PRRX1: variants seen among roughly 807,000 people sequenced by gnomAD.
PRRX1 encodes paired related homeobox 1.
A neutral mutation model predicts 24.0 loss-of-function variants in PRRX1; 8 were observed. The observed-to-expected ratio is 0.33, with a 90% CI of 0.20 to 0.60. PRRX1 has a LOEUF of 0.60. Ranked by LOEUF, PRRX1 falls within the 20% of genes least tolerant of loss-of-function variation. The probability of loss-of-function intolerance (pLI) is 0.82; values close to 1 mark genes in which losing one functional copy is unlikely to be tolerated. For missense variants in PRRX1, 281 were observed against 322.4 expected (o/e 0.87, Z 0.98); for synonymous variants, 160 against 131.7 (o/e 1.22, Z -1.47).
At chr1:170,686,888 G>A (rs573505022) in intron 1 of PRRX1, among the ~76,000 whole-genome samples, 1 of 152,070 alleles carries the variant, frequency 6.6e-6, no homozygotes, top group Non-Finnish European at 1.5e-5. Flanking sequence ...AACATTGGTT[G>A]AGTGCCTTAT....
intron 1 of PRRX1, among the ~76,000 whole-genome samples, chr1:170,674,941 T>C (rs1213473323): frequency 2.6e-5 from 4 of 152,252 alleles, no homozygotes; most frequent in Non-Finnish European, 5.9e-5. Context: ...ACAATTGGCA[T>C]CATATTGCAT....
At chr1:170,726,943 G>C (rs1281798685) in intron 3 of PRRX1, 1 of 152,694 alleles carries the variant, frequency 6.5e-6, no homozygotes, top group Admixed American at 6.5e-5. Flanking sequence ...GAGGAGGAAA[G>C]AAAAGCCAAG....
At chr1:170,669,192 A>C (rs520525) in intron 1 of PRRX1, 1 of 151,398 alleles carries the variant, frequency 6.6e-6, no homozygotes, top group African/African-American at 2.4e-5. Flanking sequence ...ACCCACCCCC[A>C]TGTTTCAGAG....
intron 1 of PRRX1, among the ~76,000 whole-genome samples, chr1:170,701,011 A>C (rs898369691): frequency 6.6e-6 from 1 of 152,198 alleles, no homozygotes; most frequent in Non-Finnish European, 1.5e-5. Context: ...TGTTATGAGG[A>C]ATAAATGAGG....
chr1:170,723,406 T>A (rs1461657032), intron 2 of PRRX1, among the ~76,000 whole-genome samples: 1 of 152,238 alleles, frequency 6.6e-6, no homozygotes, highest in Non-Finnish European at 1.5e-5. Context: ...TTTTCAAATT[T>A]ACATGTCTTC....
chr1:170,707,804 T>C (rs1396253182), intron 1 of PRRX1, among the ~76,000 whole-genome samples: 1 of 152,338 alleles, frequency 6.6e-6, no homozygotes, highest in East Asian at 1.9e-4. Flanking sequence ...TTGTTCTTGG[T>C]TCAACATATT....
rs1655602400 is a variant in PRRX1, at chr1:170,736,304, G to A, written c.*118G>A. On this transcript the variant is annotated 3_prime_UTR_variant, in exon 4 of 4. Transcript: ENST00000239461. ...AGTAAATTACAAACAAACAAACAAA[G>A]CAGAACTAAAATATTGGGACCATGG... is the stretch of plus-strand genomic sequence containing the variant. 7.2e-7 allele frequency: 1 copy of A among 1,388,620 alleles called. No homozygotes were observed. Among genetic ancestry groups the A allele is most frequent in the Non-Finnish European group, 1.0e-6 (1 of 1,002,156 alleles). 86.0% of individuals were successfully genotyped at this position (1,388,620 alleles called of 1,614,324 possible). A position where few individuals can be genotyped will look rare whatever the true frequency, so the allele number is the denominator to read the frequency against.
intron 1 of PRRX1, among the ~76,000 whole-genome samples, chr1:170,718,017 C>T (rs1011029377): frequency 2.6e-5 from 4 of 152,138 alleles, no homozygotes; most frequent in African/African-American, 9.7e-5. Context: ...TGAGGTAAGG[C>T]ACCACAAGTG....
intron 1 of PRRX1, among the ~76,000 whole-genome samples, chr1:170,687,832 G>A (rs779147850): frequency 2.6e-5 from 4 of 152,044 alleles, no homozygotes; most frequent in Admixed American, 2.6e-4. Flanking sequence ...GGACACTTTA[G>A]GTAACTAAAA....
At position 170,674,182 on chromosome 1, in the gene PRRX1, CCT is replaced by C. The variant is rs144071005; in HGVS notation, c.241+9742_241+9743del. ...CCCTGCTCTAGCAGCCTGCCTGATA[CCT>C]CTCTCTCTCTCTCTCTCTGTCACAC... On this transcript the variant is annotated intron_variant, in intron 1 of 3. Coordinates refer to ENST00000239461, the MANE Select transcript of PRRX1 (RefSeq NM_022716.4). 4.9e-3 allele frequency among the ~76,000 whole-genome samples: 721 copies of C among 147,670 alleles called. 4 individuals carry two copies. Among genetic ancestry groups the C allele is most frequent in the African/African-American group, 9.2e-3 (376 of 40,782 alleles).
intron 2 of PRRX1, 61 bp from the exon 3 acceptor site, chr1:170,726,159 C>T: frequency 6.7e-7 from 1 of 1,484,486 alleles, no homozygotes; most frequent in East Asian, 2.3e-5. Context: ...TTCATGTAAC[C>T]CCTTCTTCTT....
At chr1:170,691,884 C>A (rs1478012314) in intron 1 of PRRX1, among the ~76,000 whole-genome samples, 1 of 152,024 alleles carries the variant, frequency 6.6e-6, no homozygotes, top group Middle Eastern at 3.2e-3. Context: ...CACTATGGGG[C>A]CTTCTGTTAG....
At chr1:170,733,697 T>G (rs1300363076) in intron 3 of PRRX1, among the ~76,000 whole-genome samples, 1 of 152,140 alleles carries the variant, frequency 6.6e-6, no homozygotes, top group Non-Finnish European at 1.5e-5. Flanking sequence ...AAAGGTTGAC[T>G]TGGTTGATTT....
At chr1:170,669,133 G>C (rs927039672) in intron 1 of PRRX1, 1 of 152,010 alleles carries the variant, frequency 6.6e-6, no homozygotes, top group African/African-American at 2.4e-5. Flanking sequence ...TGTGAAGTCC[G>C]AAGGACTCAC....
chr1:170,736,310 C>T lies in PRRX1; in HGVS notation c.*124C>T. ...TTACAAACAAACAAACAAAGCAGAACTAAAATATTGGGACCATGGCAGAGA... is the reference window on the plus strand; with the variant it reads ...TTACAAACAAACAAACAAAGCAGAATTAAAATATTGGGACCATGGCAGAGA... On this transcript the variant is annotated 3_prime_UTR_variant, in exon 4 of 4. Transcript: ENST00000239461. The T allele has an allele frequency of 7.5e-7, 1 of 1,341,124 alleles. No individual in the cohort carries two copies. The highest frequency in any genetic ancestry group is 1.0e-6 in the Non-Finnish European group (1 of 962,566). 83.1% of individuals were successfully genotyped at this position (1,341,124 alleles called of 1,614,324 possible).
intron 1 of PRRX1, among the ~76,000 whole-genome samples, chr1:170,687,036 A>G (rs1653767388): frequency 1.0e-5 from 1 of 100,074 alleles, no homozygotes; most frequent in Admixed American, 1.2e-4. Context: ...CCACCCTCAG[A>G]GTACCACAAG....
At chr1:170,711,450 T>G (rs1168502657) in intron 1 of PRRX1, among the ~76,000 whole-genome samples, 1 of 152,180 alleles carries the variant, frequency 6.6e-6, no homozygotes, top group Non-Finnish European at 1.5e-5. Flanking sequence ...GAAGCTCTGC[T>G]CCATCACTCC....
chr1:170,692,713 C>CCT (rs375918496), intron 1 of PRRX1, among the ~76,000 whole-genome samples: 1,788 of 138,888 alleles, frequency 0.013, 15 homozygotes, highest in Middle Eastern at 0.019. Context: ...ACTAACAAAT[C>CCT]CTCTCTCTCT....
chr1:170,665,093 G>C (rs1652871368), intron 1 of PRRX1, among the ~76,000 whole-genome samples: 1 of 152,212 alleles, frequency 6.6e-6, no homozygotes, highest in African/African-American at 2.4e-5. Flanking sequence ...GTTTGAGACT[G>C]GCAGAGTCAA....
Sources: allele counts gnomAD v4.1 joint callset (sites outside exome capture counted in the v4.1 genomes callset), GRCh38; gene constraint gnomAD v4.1.1; transcripts MANE v1.5; gene names NCBI Gene and HGNC (gene_info 2026-07-23, HGNC 2026-07-21).